The following CHST8 variants were observed in gnomAD, a reference collection of about 807,000 sequenced individuals.
The protein encoded by CHST8 is carbohydrate sulfotransferase 8.
In CHST8, 10 loss-of-function variants were observed where a neutral mutation model predicts 15.0. The ratio of observed to expected loss-of-function variants is 0.67; its 90% confidence interval spans 0.41 to 1.13. The LOEUF (loss-of-function observed/expected upper bound fraction) is 1.13. CHST8 is among the 50% of genes most tolerant of loss of function. CHST8 has a pLI of 0.00. For missense variants in CHST8, 634 were observed against 608.2 expected, an observed-to-expected ratio of 1.04 and a Z score of -0.45; for synonymous variants, 259 against 256.6, an observed-to-expected ratio of 1.01 and a Z score of -0.09.
At chr19:33,717,314 A>G (rs1034728552) in intron 3 of CHST8, among the ~76,000 whole-genome samples, 4 of 152,040 alleles carry the variant, frequency 2.6e-5, no homozygotes, top group Non-Finnish European at 5.9e-5. Flanking sequence ...TACAAAAATT[A>G]GCCAGGCGTG....
chr19:33,651,155 T>G (rs1972443753), intron 1 of CHST8, among the ~76,000 whole-genome samples: 1 of 152,234 alleles, frequency 6.6e-6, no homozygotes, highest in South Asian at 2.1e-4. Context: ...CTTTTGGTAT[T>G]GTGTCTAAGA....
intron 3 of CHST8, among the ~76,000 whole-genome samples, chr19:33,750,767 C>T (rs375842739): frequency 2.8e-4 from 42 of 152,312 alleles, no homozygotes; most frequent in East Asian, 2.5e-3. Flanking sequence ...CCACCCCCAA[C>T]GGAGGGAAGA....
At chr19:33,653,096 C>A (rs1400114466) in intron 1 of CHST8, among the ~76,000 whole-genome samples, 1 of 152,182 alleles carries the variant, frequency 6.6e-6, no homozygotes, top group Non-Finnish European at 1.5e-5. Context: ...CTCACTCTTG[C>A]TTATTGCATT....
At chr19:33,636,084 A>G (rs1823104767) in intron 1 of CHST8, among the ~76,000 whole-genome samples, 1 of 122,144 alleles carries the variant, frequency 8.2e-6, no homozygotes, top group Non-Finnish European at 1.7e-5. Context: ...TGAAAGGTTT[A>G]TCAAAGTTAA....
chr19:33,673,692 G>A (rs932043966), intron 2 of CHST8, among the ~76,000 whole-genome samples: 5 of 152,158 alleles, frequency 3.3e-5, no homozygotes, highest in Admixed American at 6.5e-5. Flanking sequence ...GCTGGGAGGA[G>A]GGGCTGCAAG....
chr19:33,714,660 C>A lies in CHST8; in HGVS notation c.130+25269C>A, dbSNP rs571501989. 4.6e-5 allele frequency among the ~76,000 whole-genome samples: 7 copies of A among 152,302 alleles called. 1 individual carries two copies. Among genetic ancestry groups the A allele is most frequent in the African/African-American group, 1.7e-4 (7 of 41,544 alleles). On this transcript the variant is annotated intron_variant, in intron 3 of 4. Coordinates refer to ENST00000650847, the MANE Select transcript of CHST8 (RefSeq NM_001127895.2). ...TGTAACTCCCACAATTCCCACATGTCCTGGGAGGGACCCAGTGGGAGGTGA... is the reference window on the plus strand; with the variant it reads ...TGTAACTCCCACAATTCCCACATGTACTGGGAGGGACCCAGTGGGAGGTGA...
At chr19:33,734,463 G>C (rs1223915975) in intron 3 of CHST8, among the ~76,000 whole-genome samples, 1 of 152,126 alleles carries the variant, frequency 6.6e-6, no homozygotes, top group South Asian at 2.1e-4. Context: ...ACCCTCTCTG[G>C]GGGTCTGGAT....
intron 3 of CHST8, among the ~76,000 whole-genome samples, chr19:33,703,165 G>A (rs1973378531): frequency 6.6e-6 from 1 of 152,236 alleles, no homozygotes; most frequent in South Asian, 2.1e-4. Flanking sequence ...GAGGTAGGGG[G>A]CCCTTTGCCC....
chr19:33,679,226 C>G (rs1247952416), intron 2 of CHST8, among the ~76,000 whole-genome samples: 4 of 152,164 alleles, frequency 2.6e-5, no homozygotes, highest in Non-Finnish European at 5.9e-5. Context: ...ATTTTTTCCT[C>G]CCTGTAATTT....
chr19:33,666,578 C>CGGGAGAGGT (rs1178318463), intron 1 of CHST8, among the ~76,000 whole-genome samples: 1 of 151,990 alleles, frequency 6.6e-6, no homozygotes, highest in African/African-American at 2.4e-5. Flanking sequence ...AAGAGGGTGC[C>CGGGAGAGGT]GGGAGAGGTG....
intron 3 of CHST8, among the ~76,000 whole-genome samples, chr19:33,716,429 C>T (rs114607168): frequency 1.7e-3 from 265 of 152,272 alleles, no homozygotes; most frequent in Middle Eastern, 6.8e-3. Context: ...TACAGTGGCA[C>T]GATCACGACT....
At chr19:33,704,246 T>G (rs959061260) in intron 3 of CHST8, among the ~76,000 whole-genome samples, 1 of 152,200 alleles carries the variant, frequency 6.6e-6, no homozygotes, top group African/African-American at 2.4e-5. Context: ...GGAAGGCTGC[T>G]CCTGGCATTC....
intron 3 of CHST8, among the ~76,000 whole-genome samples, chr19:33,752,947 CAACAA>C (rs751605082): frequency 7.2e-5 from 11 of 152,154 alleles, no homozygotes; most frequent in Non-Finnish European, 1.3e-4. Context: ...CCCTTGTGTT[CAACAA>C]AGATGGGCAA....
chr19:33,761,985 C>A (rs1423260107), intron 3 of CHST8, among the ~76,000 whole-genome samples: 1 of 152,188 alleles, frequency 6.6e-6, no homozygotes, highest in African/African-American at 2.4e-5. Flanking sequence ...ACCCAGGGCA[C>A]GCTACATCAC....
intron 1 of CHST8, among the ~76,000 whole-genome samples, chr19:33,627,480 G>A (rs1163099211): frequency 3.9e-5 from 6 of 152,112 alleles, no homozygotes; most frequent in East Asian, 1.9e-4. Flanking sequence ...AAGACAGTCC[G>A]TATGCAGGCC....
chr19:33,722,693 G>A (rs991686326), intron 3 of CHST8, among the ~76,000 whole-genome samples: 3 of 152,124 alleles, frequency 2.0e-5, no homozygotes, highest in Non-Finnish European at 2.9e-5. Flanking sequence ...TGAGGTTTCT[G>A]GGGAGAAACA....
At chr19:33,678,815 C>T (rs1481306253) in intron 2 of CHST8, among the ~76,000 whole-genome samples, 2 of 152,190 alleles carry the variant, frequency 1.3e-5, no homozygotes, top group South Asian at 2.1e-4. Context: ...TATGGCCATG[C>T]TTGTGTGCTG....
intron 3 of CHST8, among the ~76,000 whole-genome samples, chr19:33,692,446 T>G (rs1173096682): frequency 1.3e-5 from 2 of 152,070 alleles, no homozygotes; most frequent in Non-Finnish European, 1.5e-5. Context: ...GCCTGTAATC[T>G]CAGTACTTTG....
In CHST8 at chr19:33,772,457, G is replaced by A; in HGVS notation, c.669G>A (p.Gln223=). The change falls in exon 5 of 5, where the codon CAG becomes CAA. Residue 223 remains glutamine (Q), a synonymous_variant. Transcript: ENST00000650847. ...AGLASSTADI[Q]HNTVHYGSAL... is the part of the protein sequence containing the mutation. ...TGGCCTCGTCCACTGCCGACATCCA[G>A]CACAACACCGTCCACTATGGCAGCG... is the stretch of plus-strand genomic sequence containing the variant. The A allele has an allele frequency of 1.2e-6, 2 of 1,612,816 alleles. No individual in the cohort carries two copies. The highest frequency in any genetic ancestry group is 1.7e-6 in the Non-Finnish European group (2 of 1,180,016).
Sources: allele counts gnomAD v4.1 joint callset (sites outside exome capture counted in the v4.1 genomes callset), GRCh38; gene constraint gnomAD v4.1.1; transcripts MANE v1.5; gene names NCBI Gene and HGNC (gene_info 2026-07-23, HGNC 2026-07-21).